Variants in PDZRN4 observed in about 807,000 individuals in gnomAD.
The protein encoded by PDZRN4 is PDZ domain containing ring finger 4, also known as PDZ domain-containing RING finger protein 4.
Under a neutral mutation model 99.0 loss-of-function variants are expected in PDZRN4, and 70 were observed. That is an observed-to-expected ratio of 0.71 (90% confidence interval 0.58 to 0.86). The LOEUF (loss-of-function observed/expected upper bound fraction) is 0.86. Ranked by LOEUF, PDZRN4 falls within the 40% of genes least tolerant of loss-of-function variation. The pLI, the probability that PDZRN4 is intolerant of heterozygous loss-of-function variation, is 0.00. For synonymous variants in PDZRN4, 551 were observed against 501.6 expected (o/e 1.10, Z -1.32); for missense variants, 1,474 against 1,331.2 (o/e 1.11, Z -1.67).
intron 3 of PDZRN4, among the ~76,000 whole-genome samples, chr12:41,447,482 G>C (rs1166231687): frequency 2.0e-5 from 3 of 152,112 alleles, no homozygotes; most frequent in Admixed American, 6.6e-5. Context: ...CTGACTGTGA[G>C]TTACTTAACT....
intron 3 of PDZRN4, among the ~76,000 whole-genome samples, chr12:41,469,646 T>A (rs1280020321): frequency 1.3e-5 from 2 of 152,150 alleles, no homozygotes; most frequent in African/African-American, 4.8e-5. Context: ...AATGAAATGC[T>A]TCTTGCTGGG....
chr12:41,465,396 A>AT (rs1592070655), intron 3 of PDZRN4, among the ~76,000 whole-genome samples: 6 of 151,934 alleles, frequency 3.9e-5, no homozygotes, highest in South Asian at 2.1e-4. Context: ...AACTGAGGTT[A>AT]TTTTTTTTAA....
intron 5 of PDZRN4, among the ~76,000 whole-genome samples, chr12:41,544,924 A>T (rs1288230383): frequency 6.6e-6 from 1 of 152,162 alleles, no homozygotes. Context: ...TTTGGGCCCA[A>T]GTTCTCTCTG....
chr12:41,282,935 T>C (rs568451199), intron 3 of PDZRN4, among the ~76,000 whole-genome samples: 2 of 152,184 alleles, frequency 1.3e-5, no homozygotes, highest in South Asian at 4.1e-4. Context: ...AGATCTAAAA[T>C]CGACACCCTA....
At chr12:41,553,826 T>G (rs1030076418) in intron 6 of PDZRN4, among the ~76,000 whole-genome samples, 2 of 152,032 alleles carry the variant, frequency 1.3e-5, no homozygotes, top group African/African-American at 4.8e-5. Context: ...TAGATACTAA[T>G]TGCTGCTCTA....
intron 3 of PDZRN4, among the ~76,000 whole-genome samples, chr12:41,485,317 G>T (rs558726622): frequency 6.6e-6 from 1 of 152,134 alleles, no homozygotes; most frequent in African/African-American, 2.4e-5. Context: ...AGGCAAGTCA[G>T]ACACTGTGTA....
In PDZRN4 at chr12:41,382,143, A is replaced by ACT. The variant is rs1332463700; in HGVS notation, c.844-124312_844-124311dup. ...GCTGCTAGTTGGACTCAGCAATTGG[A>ACT]CTGAGCTTCAGAATGGGTTCCATTA... is the stretch of plus-strand genomic sequence containing the variant. On this transcript the variant is annotated intron_variant, in intron 3 of 9. Coordinates refer to ENST00000402685, the MANE Select transcript of PDZRN4 (RefSeq NM_001164595.2). Among the ~76,000 whole-genome samples, 4 of 152,252 alleles carry ACT rather than the reference A, an allele frequency of 2.6e-5. No individual in the cohort carries two copies. The East Asian group carries it at 7.7e-4, about 29-fold the overall frequency.
intron 3 of PDZRN4, among the ~76,000 whole-genome samples, chr12:41,351,980 AAAATAAATAAAT>A (rs138301663): frequency 0.01 from 1,471 of 143,064 alleles, 23 homozygotes; most frequent in African/African-American, 0.035. Context: ...CCATTGTCTC[AAAATAAATAAAT>A]AAATAAATAA....
chr12:41,362,731 C>G (rs1360219474), intron 3 of PDZRN4, among the ~76,000 whole-genome samples: 1 of 152,066 alleles, frequency 6.6e-6, no homozygotes, highest in Non-Finnish European at 1.5e-5. Flanking sequence ...TGGGAAGCAG[C>G]TGCTATGGAA....
intron 3 of PDZRN4, among the ~76,000 whole-genome samples, chr12:41,453,821 G>A (rs893673499): frequency 6.6e-6 from 1 of 151,694 alleles, no homozygotes; most frequent in Non-Finnish European, 1.5e-5. Context: ...AGAGTGGGGG[G>A]TTTCCCCCAT....
At position 41,572,793 on chromosome 12, in the gene PDZRN4, G is replaced by A. The variant is rs747871074; in HGVS notation, c.2014G>A (p.Glu672Lys). Residue 672 changes from glutamate (E) to lysine (K), a missense_variant, in exon 10 of 10, where the codon GAA (glutamate) becomes AAA (lysine). Physicochemically the swap from Glu to Lys is moderately conservative, Grantham distance 56. Transcript: ENST00000402685. ...GCATGAGCTACAGTTGCTTAATGAA[G>A]AACTGAGAAACATTGAGCTTGAGTG... ...VEHELQLLNE[E>K]LRNIELECQN... 1 of 1,614,122 alleles carries A rather than the reference G, an allele frequency of 6.2e-7. No homozygotes were observed. Among genetic ancestry groups the A allele is most frequent in the Admixed American group, 1.7e-5 (1 of 60,018 alleles).
chr12:41,438,047 C>G (rs750666061), intron 3 of PDZRN4: 1 of 1,608,282 alleles, frequency 6.2e-7, no homozygotes, highest in Admixed American at 1.7e-5. Context: ...CAACTAAGAG[C>G]CAGGCTTTGT....
chr12:41,205,259 C>T, intron 3 of PDZRN4, among the ~76,000 whole-genome samples: 1 of 151,886 alleles, frequency 6.6e-6, no homozygotes, highest in East Asian at 1.9e-4. Context: ...TAGCACTGGT[C>T]TTTGGTCCTT....
At chr12:41,385,641 G>C (rs1902911) in intron 3 of PDZRN4, among the ~76,000 whole-genome samples, 79,958 of 151,956 alleles carry the variant, frequency 0.53, 21,812 homozygotes, top group African/African-American at 0.7. Context: ...AATCGCTGAA[G>C]AGAGCAACAA....
intron 3 of PDZRN4, among the ~76,000 whole-genome samples, chr12:41,362,979 CA>C (rs1443455085): frequency 6.6e-6 from 1 of 151,946 alleles, no homozygotes; most frequent in Non-Finnish European, 1.5e-5. Flanking sequence ...TTTTTCTTTC[CA>C]GAGAAAAGTA....
chr12:41,392,986 G>A (rs1180076212), intron 3 of PDZRN4, among the ~76,000 whole-genome samples: 1 of 152,082 alleles, frequency 6.6e-6, no homozygotes, highest in Non-Finnish European at 1.5e-5. Flanking sequence ...GATTTATTGG[G>A]TACCTGTTGT....
At chr12:41,360,856 G>T (rs1951958604) in intron 3 of PDZRN4, among the ~76,000 whole-genome samples, 1 of 151,850 alleles carries the variant, frequency 6.6e-6, no homozygotes, top group Non-Finnish European at 1.5e-5. Flanking sequence ...TGTTGCATGA[G>T]GTTTTCTACC....
intron 3 of PDZRN4, among the ~76,000 whole-genome samples, chr12:41,400,018 T>C (rs1379636642): frequency 2.6e-5 from 4 of 152,144 alleles, no homozygotes; most frequent in Non-Finnish European, 5.9e-5. Context: ...ATGTAAAATG[T>C]TGATCTCTTT....
At chr12:41,511,883 T>G (rs1470784721) in intron 5 of PDZRN4, among the ~76,000 whole-genome samples, 1 of 152,262 alleles carries the variant, frequency 6.6e-6, no homozygotes, top group Non-Finnish European at 1.5e-5. Context: ...TGTGTTGCAC[T>G]TTTACTGTTA....
Sources: allele counts gnomAD v4.1 joint callset (sites outside exome capture counted in the v4.1 genomes callset), GRCh38; gene constraint gnomAD v4.1.1; transcripts MANE v1.5; gene names NCBI Gene and HGNC (gene_info 2026-07-23, HGNC 2026-07-21).